Variants in TASP1 observed in about 807,000 individuals in gnomAD.
The protein encoded by TASP1 is taspase 1.
A neutral mutation model predicts 56.6 loss-of-function variants in TASP1; 16 were observed. The ratio of observed to expected loss-of-function variants is 0.28; its 90% confidence interval spans 0.19 to 0.43. TASP1 has a LOEUF of 0.43. Ranked by LOEUF, TASP1 falls within the 20% of genes least tolerant of loss-of-function variation. TASP1 has a pLI of 1.00. For synonymous variants in TASP1, 179 were observed against 184.2 expected, an observed-to-expected ratio of 0.97 and a Z score of 0.23; for missense variants, 393 against 511.6, an observed-to-expected ratio of 0.77 and a Z score of 2.24.
chr20:13,216,735 G>A, the TASP1 span, among the ~76,000 whole-genome samples: 1 of 152,126 alleles, frequency 6.6e-6, no homozygotes, highest in African/African-American at 2.4e-5. Flanking sequence ...AGCCCAGCCA[G>A]GGTGTTCTTG....
intron 13 of TASP1, among the ~76,000 whole-genome samples, chr20:13,412,984 C>A (rs780558245): frequency 6.6e-6 from 1 of 151,996 alleles, no homozygotes; most frequent in South Asian, 2.1e-4. Flanking sequence ...ACAGATGAGG[C>A]CTCTGGGATC....
chr20:13,278,365 T>C, the TASP1 span, among the ~76,000 whole-genome samples: 47 of 152,134 alleles, frequency 3.1e-4, no homozygotes, highest in Non-Finnish European at 5.7e-4. Flanking sequence ...GGATGAGCCA[T>C]GGGGTGAGTG....
At chr20:13,257,366 A>C in the TASP1 span, among the ~76,000 whole-genome samples, 1 of 152,040 alleles carries the variant, frequency 6.6e-6, no homozygotes, top group Non-Finnish European at 1.5e-5. Flanking sequence ...AATACAAAAA[A>C]ATTAGCCAAG....
intron 11 of TASP1, among the ~76,000 whole-genome samples, chr20:13,474,411 T>C (rs142640670): frequency 1.5e-4 from 23 of 152,354 alleles, no homozygotes; most frequent in African/African-American, 4.1e-4. Context: ...TTGAGTGACT[T>C]CACTTAGAAT....
At chr20:13,332,836 G>A in the TASP1 span, among the ~76,000 whole-genome samples, 1 of 152,148 alleles carries the variant, frequency 6.6e-6, no homozygotes, top group East Asian at 1.9e-4. Context: ...AGCAAATTCT[G>A]GTGTGAACGG....
the TASP1 span, among the ~76,000 whole-genome samples, chr20:13,151,519 G>C: frequency 6.6e-6 from 1 of 152,152 alleles, no homozygotes; most frequent in East Asian, 1.9e-4. Flanking sequence ...GAGTTGGGGA[G>C]GGATCATCCT....
chr20:13,627,110 AT>A (rs1262960709), intron 2 of TASP1, among the ~76,000 whole-genome samples: 2 of 152,068 alleles, frequency 1.3e-5, no homozygotes, highest in Admixed American at 6.6e-5. Context: ...CATAAACTTC[AT>A]TTTTCAAATG....
chr20:13,393,757 T>C, intron 13 of TASP1: 1 of 664,400 alleles, frequency 1.5e-6, no homozygotes, highest in South Asian at 1.6e-5. Context: ...CCACACTCAG[T>C]CCCCTACCAC....
chr20:13,574,677 A>G (rs576444557), intron 6 of TASP1, among the ~76,000 whole-genome samples: 1 of 152,344 alleles, frequency 6.6e-6, no homozygotes, highest in African/African-American at 2.4e-5. Context: ...AAAAATAACA[A>G]TACATAAAGA....
chr20:13,503,413 T>C (rs1006961135), intron 10 of TASP1, among the ~76,000 whole-genome samples: 1 of 152,032 alleles, frequency 6.6e-6, no homozygotes, highest in Non-Finnish European at 1.5e-5. Context: ...AGACATGGAA[T>C]AGGCGTAAAA....
At chr20:13,555,144 G>A (rs2046112104) in intron 8 of TASP1, among the ~76,000 whole-genome samples, 1 of 152,088 alleles carries the variant, frequency 6.6e-6, no homozygotes. Context: ...AGCACTTTGG[G>A]AGACCAAGGT....
the TASP1 span, among the ~76,000 whole-genome samples, chr20:13,307,596 C>T: frequency 6.6e-6 from 1 of 152,160 alleles, no homozygotes; most frequent in Non-Finnish European, 1.5e-5. Flanking sequence ...CAGTAACGGG[C>T]ACTCACTCCT....
At chr20:13,525,188 C>A (rs1256000342) in intron 10 of TASP1, among the ~76,000 whole-genome samples, 1 of 152,094 alleles carries the variant, frequency 6.6e-6, no homozygotes, top group African/African-American at 2.4e-5. Context: ...GTATTGAGCC[C>A]CTACTCTGGG....
chr20:13,426,148 C>CT (rs2042611475), intron 12 of TASP1, among the ~76,000 whole-genome samples: 1 of 152,150 alleles, frequency 6.6e-6, no homozygotes, highest in African/African-American at 2.4e-5. Flanking sequence ...CTGTTTTATC[C>CT]TTTTATTGTA....
At chr20:13,427,409 A>C (rs951908910) in intron 12 of TASP1, among the ~76,000 whole-genome samples, 3 of 152,232 alleles carry the variant, frequency 2.0e-5, no homozygotes, top group Non-Finnish European at 2.9e-5. Context: ...ACAGTAAAAC[A>C]GTTTGATTTG....
chr20:13,225,030 T>G, the TASP1 span, among the ~76,000 whole-genome samples: 33 of 149,808 alleles, frequency 2.2e-4, no homozygotes, highest in Admixed American at 4.0e-4. Flanking sequence ...TTTTTTTGTA[T>G]TTTTAGTAGA....
At chr20:13,174,850 C>A in the TASP1 span, among the ~76,000 whole-genome samples, 3 of 151,916 alleles carry the variant, frequency 2.0e-5, no homozygotes, top group Non-Finnish European at 4.4e-5. Flanking sequence ...TGTAATAATC[C>A]CCACATGTCA....
the TASP1 span, among the ~76,000 whole-genome samples, chr20:13,179,340 T>C: frequency 6.6e-6 from 1 of 152,070 alleles, no homozygotes; most frequent in Admixed American, 6.5e-5. Flanking sequence ...TGTATTCGTA[T>C]AAATGCATAG....
chr20:13,410,269 A>G (rs923502098), intron 13 of TASP1, among the ~76,000 whole-genome samples: 2 of 152,216 alleles, frequency 1.3e-5, no homozygotes, highest in Non-Finnish European at 2.9e-5. Flanking sequence ...TATTGTGAGT[A>G]GTGCTGCAAT....
Sources: gnomAD v4.1 joint callset for allele counts (sites outside exome capture counted in the v4.1 genomes callset) on GRCh38, gnomAD v4.1.1 for gene constraint, MANE v1.5 for transcripts, NCBI Gene and HGNC (gene_info 2026-07-23, HGNC 2026-07-21) for gene names.